The following PPP2R2A variants were observed in gnomAD, a reference collection of about 807,000 sequenced individuals.
The protein encoded by PPP2R2A is protein phosphatase 2 regulatory subunit Balpha.
Under a neutral mutation model 53.2 loss-of-function variants are expected in PPP2R2A, and 9 were observed. The ratio of observed to expected loss-of-function variants is 0.17; its 90% CI spans 0.10 to 0.30. The LOEUF (loss-of-function observed/expected upper bound fraction) is 0.30. Among genes scored for constraint, PPP2R2A ranks in the 10% least tolerant of loss-of-function variants. PPP2R2A has a pLI of 1.00. For missense variants in PPP2R2A, 235 were observed against 534.6 expected, an observed-to-expected ratio of 0.44 and a Z score of 5.53; for synonymous variants, 169 against 174.2, an observed-to-expected ratio of 0.97 and a Z score of 0.23.
At chr8:26,363,228 AAC>A (rs1491016774) in intron 7 of PPP2R2A, 2,692 of 154,720 alleles carry the variant, frequency 0.017, 32 homozygotes, top group Middle Eastern at 0.04. Flanking sequence ...AAAAAAAAAA[AAC>A]AACTTTGGTT....
chr8:26,329,332 A>G (rs1374039092), intron 2 of PPP2R2A, among the ~76,000 whole-genome samples: 3 of 152,014 alleles, frequency 2.0e-5, no homozygotes, highest in African/African-American at 4.8e-5. Flanking sequence ...TTAGGTGTCT[A>G]TCCCTTCTCC....
chr8:26,331,809 G>C (rs987105416), intron 2 of PPP2R2A, among the ~76,000 whole-genome samples: 1 of 152,150 alleles, frequency 6.6e-6, no homozygotes, highest in Admixed American at 6.5e-5. Context: ...CAAACTTCAT[G>C]ATTATCTTAA....
At chr8:26,337,255 A>T (rs964097661) in intron 2 of PPP2R2A, among the ~76,000 whole-genome samples, 1 of 151,314 alleles carries the variant, frequency 6.6e-6, no homozygotes, top group Non-Finnish European at 1.5e-5. Flanking sequence ...TGGTTAGGCT[A>T]AAAAAAACCC....
At chr8:26,294,337 TA>T (rs1801445826) in intron 2 of PPP2R2A, among the ~76,000 whole-genome samples, 3 of 152,366 alleles carry the variant, frequency 2.0e-5, no homozygotes, top group Non-Finnish European at 4.4e-5. Context: ...TTAGGAATCG[TA>T]TATTCTTGTG....
rs1163210401 is a variant in PPP2R2A at position 26,354,321 on chromosome 8, T to C, written c.181-147T>C. 1.8e-6 allele frequency: 1 copy of C among 561,384 alleles called. No individual in the cohort carries two copies. Among genetic ancestry groups the C allele is most frequent in the Non-Finnish European group, 2.7e-6 (1 of 367,546 alleles). 34.8% of individuals were successfully genotyped at this position (561,384 alleles called of 1,614,324 possible). A position where few individuals can be genotyped will look rare whatever the true frequency, so the allele number is the denominator to read the frequency against. ...TTCTCATTTAATCCTTGAAGGCCTT[T>C]AGAAATATAAAAAACAGAATGTAAT... On this transcript the variant is annotated intron_variant, in intron 3 of 9. Transcript: ENST00000380737. This position sits in a 1 kb window ranked among gnomAD's most constrained non-coding sequence, Gnocchi z 4.6.
At chr8:26,323,604 T>C (rs1802947663) in intron 2 of PPP2R2A, among the ~76,000 whole-genome samples, 1 of 152,176 alleles carries the variant, frequency 6.6e-6, no homozygotes, top group Admixed American at 6.5e-5. Flanking sequence ...CATTTACCAC[T>C]TTATTATGAA....
At chr8:26,303,752 A>G (rs572047073) in intron 2 of PPP2R2A, among the ~76,000 whole-genome samples, 2 of 151,580 alleles carry the variant, frequency 1.3e-5, no homozygotes, top group Non-Finnish European at 2.9e-5. Flanking sequence ...AATGTAATTT[A>G]AAAAAAAACT....
intron 2 of PPP2R2A, among the ~76,000 whole-genome samples, chr8:26,301,562 G>T (rs1368299957): frequency 6.6e-6 from 1 of 151,998 alleles, no homozygotes; most frequent in Non-Finnish European, 1.5e-5. Flanking sequence ...GTCTGCTGAT[G>T]GCGTTCGTTA....
chr8:26,362,134 CGATTA>C lies in PPP2R2A; in HGVS notation c.638-544_638-540del, dbSNP rs1437870862. On this transcript the variant is annotated intron_variant, in intron 6 of 9. Coordinates refer to ENST00000380737, the MANE Select transcript of PPP2R2A (RefSeq NM_002717.4). This position sits in a 1 kb window ranked among gnomAD's most constrained non-coding sequence, Gnocchi z 4.4. ...TTAGAAAAAGAAAGATTAAAGATTA[CGATTA>C]GATTAAGATTAGAAAAAGAAATTCA... is the stretch of plus-strand genomic sequence containing the variant. 6.6e-6 allele frequency among the ~76,000 whole-genome samples: 1 copy of C among 150,986 alleles called. No individual in the cohort carries two copies. Among genetic ancestry groups the C allele is most frequent in the Non-Finnish European group, 1.5e-5 (1 of 67,802 alleles).
In PPP2R2A at chr8:26,315,716, T is replaced by G. The variant is rs186101605; in HGVS notation, c.82+21976T>G. 2.0e-5 allele frequency among the ~76,000 whole-genome samples: 3 copies of G among 152,320 alleles called. No individual in the cohort carries two copies. The East Asian group carries it at 5.8e-4, about 29-fold the overall frequency. ...GCTCAGAGGTTTCACTTTATTTTGC[T>G]GAGTTTTCTATTTTTCAGCACATTG... On this transcript the variant is annotated intron_variant, in intron 2 of 9. Coordinates refer to ENST00000380737, the MANE Select transcript of PPP2R2A (RefSeq NM_002717.4).
In PPP2R2A at chr8:26,321,401, A is replaced by G. The variant is rs1490493954; in HGVS notation, c.83-17489A>G. ...GCAGCCGCTTAAGGTGGCCCCAGTG[A>G]TCCCTGGCTTCTGGTATTTATGTCT... On this transcript the variant is annotated intron_variant, in intron 2 of 9. Coordinates refer to ENST00000380737, the MANE Select transcript of PPP2R2A (RefSeq NM_002717.4). The surrounding 1 kb of genome is among the most constrained non-coding windows in gnomAD (Gnocchi z 4.1). Among the ~76,000 whole-genome samples the G allele has an allele frequency of 6.6e-6, 1 of 152,158 alleles. No individual in the cohort carries two copies. Among genetic ancestry groups the G allele is most frequent in the African/African-American group, 2.4e-5 (1 of 41,438 alleles).
At chr8:26,307,565 A>G (rs1046816556) in intron 2 of PPP2R2A, among the ~76,000 whole-genome samples, 3 of 152,242 alleles carry the variant, frequency 2.0e-5, no homozygotes, top group African/African-American at 7.2e-5. Context: ...AAATGCCAAA[A>G]TGTCATAATT....
At chr8:26,336,044 G>A (rs974757483) in intron 2 of PPP2R2A, among the ~76,000 whole-genome samples, 1 of 152,030 alleles carries the variant, frequency 6.6e-6, no homozygotes, top group Non-Finnish European at 1.5e-5. Context: ...ATTATAACTG[G>A]TTGTGAGAGT....
intron 3 of PPP2R2A, among the ~76,000 whole-genome samples, chr8:26,343,592 G>C (rs921859098): frequency 3.9e-5 from 6 of 151,976 alleles, no homozygotes; most frequent in African/African-American, 1.5e-4. Context: ...GGATGGTCTC[G>C]ATCTCCTGAC....
At chr8:26,337,254 TA>T (rs905292639) in intron 2 of PPP2R2A, among the ~76,000 whole-genome samples, 306 of 151,934 alleles carry the variant, frequency 2.0e-3, no homozygotes, top group African/African-American at 6.9e-3. Flanking sequence ...ATGGTTAGGC[TA>T]AAAAAAACCC....
chr8:26,358,938 G>T (rs1804932896), intron 4 of PPP2R2A: 1 of 455,882 alleles, frequency 2.2e-6, no homozygotes, highest in Non-Finnish European at 4.4e-6. Flanking sequence ...CACTTCCAAA[G>T]AACAGAATAT....
At position 26,362,647 on chromosome 8, in the gene PPP2R2A, T is replaced by C; in HGVS notation, c.638-37T>C. ...AAATGTAGAATTATATTTGCCCTTT[T>C]TTCTAAGTGGAAATTCCTTAATAAA... On this transcript the variant is annotated intron_variant, in intron 6 of 9. Transcript: ENST00000380737. This position sits in a 1 kb window ranked among gnomAD's most constrained non-coding sequence, Gnocchi z 4.4. 1.9e-6 allele frequency: 3 copies of C among 1,595,030 alleles called. No individual in the cohort carries two copies. The highest frequency in any genetic ancestry group is 8.6e-7 in the Non-Finnish European group (1 of 1,166,146).
intron 2 of PPP2R2A, among the ~76,000 whole-genome samples, chr8:26,301,064 G>A (rs1363637528): frequency 1.3e-5 from 2 of 152,088 alleles, no homozygotes; most frequent in African/African-American, 4.8e-5. Flanking sequence ...ATACTGGTGG[G>A]AAAGTTAATT....
intron 2 of PPP2R2A, among the ~76,000 whole-genome samples, chr8:26,309,838 TGCTTC>T (rs1802192913): frequency 1.3e-5 from 2 of 152,078 alleles, no homozygotes; most frequent in Non-Finnish European, 2.9e-5. Flanking sequence ...CTTATGGAGG[TGCTTC>T]ATGGCATTCC....
Sources: gnomAD v4.1 joint callset for allele counts (sites outside exome capture counted in the v4.1 genomes callset) on GRCh38, gnomAD v4.1.1 for gene constraint, Gnocchi (gnomAD v3.1) non-coding constraint, MANE v1.5 for transcripts, NCBI Gene and HGNC (gene_info 2026-07-23, HGNC 2026-07-21) for gene names.